The following RPS9 variants were observed in gnomAD, a reference collection of about 807,000 sequenced individuals.
The protein encoded by RPS9 is ribosomal protein S9, also known as small ribosomal subunit protein uS4.
A neutral mutation model predicts 16.9 loss-of-function variants in RPS9; 1 was observed. The ratio of observed to expected loss-of-function variants is 0.06; its 90% confidence interval spans 0.02 to 0.28. The LOEUF is 0.28. Ranked by LOEUF, RPS9 falls within the 10% of genes least tolerant of loss-of-function variation. RPS9 has a pLI of 1.00. For missense variants in RPS9, 137 were observed against 273.2 expected, an observed-to-expected ratio of 0.50 and a Z score of 3.51; for synonymous variants, 106 against 110.9, an observed-to-expected ratio of 0.96 and a Z score of 0.28.
intron 1 of RPS9, 69 bp downstream of exon 1, chr19:54,200,957 C>T (rs2077021158): frequency 7.1e-7 from 1 of 1,406,368 alleles, no homozygotes; most frequent in South Asian, 1.6e-5. Flanking sequence ...TCCGAGTTTC[C>T]ATGAGTAAGC....
chr19:54,201,309 G>A (rs1386008433), intron 2 of RPS9, 28 bp downstream of exon 2: 1 of 1,613,884 alleles, frequency 6.2e-7, no homozygotes, highest in Non-Finnish European at 8.5e-7. Context: ...CCGGGAAGTG[G>A]TTCGGCTTCC....
At chr19:54,203,575 C>A (rs771404410) in intron 3 of RPS9, among the ~76,000 whole-genome samples, 5 of 152,130 alleles carry the variant, frequency 3.3e-5, no homozygotes, top group Non-Finnish European at 7.4e-5. Context: ...AAGTCAGAGA[C>A]CAGCCTGGCC....
chr19:54,206,517 C>A, intron 4 of RPS9, 55 bp downstream of exon 4: 1 of 1,605,332 alleles, frequency 6.2e-7, no homozygotes, highest in African/African-American at 1.3e-5. Flanking sequence ...CTGATGGTTG[C>A]CCTCACTAAG....
At chr19:54,206,160 G>T in intron 3 of RPS9, 116 bp from the exon 4 acceptor site, 1 of 998,652 alleles carries the variant, frequency 1.0e-6, no homozygotes, top group Non-Finnish European at 1.5e-6. Context: ...TGATGGCGCT[G>T]TACTACTTGT....
chr19:54,202,357 CTAT>C (rs2077088064), intron 3 of RPS9: 3 of 882,788 alleles, frequency 3.4e-6, no homozygotes, highest in Non-Finnish European at 4.1e-6. Context: ...GGCTAATTTT[CTAT>C]TATTAGTGGA....
chr19:54,205,072 T>TG (rs755225032), intron 3 of RPS9, among the ~76,000 whole-genome samples: 6 of 152,174 alleles, frequency 3.9e-5, no homozygotes, highest in African/African-American at 7.2e-5. Flanking sequence ...GATCTATTTA[T>TG]GAAAGCTTGC....
At chr19:54,206,179 G>T in intron 3 of RPS9, 97 bp from the exon 4 acceptor site, 3 of 1,252,796 alleles carry the variant, frequency 2.4e-6, no homozygotes, top group Non-Finnish European at 3.3e-6. Flanking sequence ...GTGCCTCACC[G>T]CCGCGGCATG....
rs547467969 is a variant in RPS9, at chr19:54,201,711, A to T, written c.220+102A>T. The T allele has an allele frequency of 2.2e-5, 34 of 1,541,946 alleles. No homozygotes were observed. The Admixed American group carries it at 6.7e-4, about 30-fold the overall frequency. On this transcript the variant is annotated intron_variant, in intron 3 of 4. Transcript: ENST00000302907. ...CCAGTGATGAGAGTTGTGTCATTGG[A>T]TAAATGGAACCAGCCTTCTAACTTT...
At chr19:54,203,192 G>A (rs1439193586) in intron 3 of RPS9, 7 of 935,074 alleles carry the variant, frequency 7.5e-6, no homozygotes, top group Non-Finnish European at 8.9e-6. Flanking sequence ...ACAGTCATGT[G>A]AGAAAGCGGT....
At chr19:54,203,638 T>C (rs1044539748) in intron 3 of RPS9, among the ~76,000 whole-genome samples, 1 of 151,894 alleles carries the variant, frequency 6.6e-6, no homozygotes, top group African/African-American at 2.4e-5. Context: ...CCGAGCATGG[T>C]GGTGTGCCTA....
intron 3 of RPS9, 48 bp downstream of exon 3, chr19:54,201,657 G>A: frequency 1.9e-6 from 3 of 1,608,388 alleles, no homozygotes; most frequent in South Asian, 1.1e-5. Flanking sequence ...GGGCTTGTGA[G>A]GTTCATTCTC....
chr19:54,201,081 T>G (rs1306699046), intron 1 of RPS9, 79 bp from the exon 2 acceptor site: 3 of 1,566,614 alleles, frequency 1.9e-6, no homozygotes, highest in East Asian at 2.3e-5. Flanking sequence ...GGATCTGGGC[T>G]CCGCGAGGTT....
intron 3 of RPS9, among the ~76,000 whole-genome samples, chr19:54,205,898 C>T (rs1384510423): frequency 6.6e-6 from 1 of 152,176 alleles, no homozygotes; most frequent in Non-Finnish European, 1.5e-5. Context: ...GTCACTGCAA[C>T]CTCCGCCTCC....
At chr19:54,202,589 A>G (rs2077097139) in intron 3 of RPS9, 1 of 985,004 alleles carries the variant, frequency 1.0e-6, no homozygotes. Flanking sequence ...AAAATGTACC[A>G]TCTTAACCAT....
At chr19:54,206,809 T>C in intron 4 of RPS9, 1 of 1,216,622 alleles carries the variant, frequency 8.2e-7, no homozygotes, top group South Asian at 1.6e-5. Context: ...CCTGGCCCGC[T>C]TGTGAAGTTG....
At chr19:54,207,368 C>T in intron 4 of RPS9, 30 bp from the exon 5 acceptor site, 2 of 1,579,534 alleles carry the variant, frequency 1.3e-6, no homozygotes, top group Non-Finnish European at 8.6e-7. Flanking sequence ...GTTTCTCCTC[C>T]AGTCCACCTC....
At chr19:54,204,682 G>A (rs1490374483) in intron 3 of RPS9, among the ~76,000 whole-genome samples, 3 of 152,110 alleles carry the variant, frequency 2.0e-5, no homozygotes, top group Admixed American at 2.0e-4. Flanking sequence ...CCAAAATATT[G>A]GGTTTATAGG....
At chr19:54,202,362 A>G in intron 3 of RPS9, 1 of 895,008 alleles carries the variant, frequency 1.1e-6, no homozygotes, top group East Asian at 1.2e-4. Flanking sequence ...ATTTTCTATT[A>G]TTAGTGGAGA....
chr19:54,206,648 G>C, intron 4 of RPS9, 186 bp downstream of exon 4: 2 of 1,549,944 alleles, frequency 1.3e-6, no homozygotes, highest in South Asian at 2.4e-5. Flanking sequence ...TGCCCCAATA[G>C]CCCAGCGCAA....
Sources: gnomAD v4.1 joint callset for allele counts (sites outside exome capture counted in the v4.1 genomes callset) on GRCh38, gnomAD v4.1.1 for gene constraint, MANE v1.5 for transcripts, NCBI Gene and HGNC (gene_info 2026-07-23, HGNC 2026-07-21) for gene names.